The following ARHGEF9 variants were observed in gnomAD, a reference collection of about 807,000 sequenced individuals.
ARHGEF9 encodes the protein Cdc42 guanine nucleotide exchange factor 9.
A neutral mutation model predicts 41.3 loss-of-function variants in ARHGEF9; 2 were observed. The ratio of observed to expected loss-of-function variants is 0.05; its 90% CI spans 0.02 to 0.15. The LOEUF (loss-of-function observed/expected upper bound fraction) is 0.15. Among genes scored for constraint, ARHGEF9 ranks in the 10% least tolerant of loss-of-function variants. The pLI, the probability that ARHGEF9 is intolerant of heterozygous loss-of-function variation, is 1.00. For missense variants in ARHGEF9, 225 were observed against 424.7 expected, an observed-to-expected ratio of 0.53 and a Z score of 4.13; for synonymous variants, 160 against 154.4, an observed-to-expected ratio of 1.04 and a Z score of -0.27.
At chrX:63,656,260 G>A (rs1345666163) in intron 7 of ARHGEF9, among the ~76,000 whole-genome samples, 5 of 111,175 alleles carry the variant, frequency 4.5e-5, no homozygotes, top group African/African-American at 1.6e-4. Context: ...TTTTAGAAAA[G>A]GCCCAGTCTG....
intron 6 of ARHGEF9, among the ~76,000 whole-genome samples, chrX:63,669,591 A>AC (rs1181593292): frequency 2.5e-4 from 28 of 110,644 alleles, no homozygotes; most frequent in African/African-American, 8.6e-4. Context: ...TAGAGTAACA[A>AC]CACTGGCTTC....
In ARHGEF9 at chrX:63,638,127, G is replaced by A. The variant is rs374753195; in HGVS notation, c.1473C>T (p.Asp491=). The A allele has an allele frequency of 8.3e-6, 10 of 1,204,740 alleles. No individual in the cohort carries two copies. Among genetic ancestry groups the A allele is most frequent in the East Asian group, 6.0e-5 (2 of 33,613 alleles). ...CAAAGACCTGCGACTGAGCGATGCC[G>A]TCGGGGACCAGGTACTGGCCGTGGT... The part of the protein sequence containing the change: ...PLNHGQYLVP[D]GIAQSQVFEF... Residue 491 remains aspartate, a synonymous_variant, in exon 10 of 10, where the codon GAC becomes GAT. Coordinates refer to ENST00000671741, the MANE Select transcript of ARHGEF9 (RefSeq NM_001353921.2).
chrX:63,637,872 GTGTGTGTGTC>G lies in ARHGEF9; in HGVS notation c.*146_*155del, dbSNP rs782160023. 2,027 of 419,664 alleles carry G rather than the reference GTGTGTGTGTC, an allele frequency of 4.8e-3. 10 individuals are homozygous for G. Among genetic ancestry groups the G allele is most frequent in the Admixed American group, 0.027 (635 of 23,267 alleles). The allele number at this position is 419,664 out of a possible 1,213,427, so 34.6% of individuals were successfully genotyped here. ...TGTGTGTGTGTGTGTGTGTGTGTGT[GTGTGTGTGTC>G]TGTGTGTGTGTGTGTGTATGTGTAC... On this transcript the variant is annotated 3_prime_UTR_variant, in exon 10 of 10. Coordinates refer to ENST00000671741, the MANE Select transcript of ARHGEF9 (RefSeq NM_001353921.2).
intron 4 of ARHGEF9, among the ~76,000 whole-genome samples, chrX:63,682,840 A>G (rs781787592): frequency 8.9e-6 from 1 of 112,040 alleles, no homozygotes; most frequent in Non-Finnish European, 1.9e-5. Context: ...TTTCCTCAGC[A>G]TAAGAAAGGC....
intron 8 of ARHGEF9, among the ~76,000 whole-genome samples, chrX:63,652,066 G>C (rs1311808784): frequency 1.8e-5 from 2 of 111,571 alleles, no homozygotes; most frequent in African/African-American, 6.5e-5. Context: ...AATTTAATAT[G>C]CAAGTATGTA....
intron 4 of ARHGEF9, among the ~76,000 whole-genome samples, chrX:63,693,191 T>TA (rs1348080273): frequency 2.5e-4 from 28 of 112,233 alleles, no homozygotes; most frequent in African/African-American, 8.4e-4. Context: ...AAAATAGTTA[T>TA]AAAAACAATT....
intron 2 of ARHGEF9, among the ~76,000 whole-genome samples, chrX:63,710,669 G>T (rs2052876911): frequency 9.1e-6 from 1 of 110,287 alleles, no homozygotes; most frequent in South Asian, 3.8e-4. Flanking sequence ...ACTAGAAATA[G>T]AAGGGAACTT....
At position 63,637,892 on chromosome X, in the gene ARHGEF9, GTGTGTGTA is replaced by G; in HGVS notation, c.*128_*135del. ...TGTGTGTGTGTGTGTCTGTGTGTGT[GTGTGTGTA>G]TGTGTACTCAAGGGTCTCTGTGTGT... is the stretch of plus-strand genomic sequence containing the variant. On this transcript the variant is annotated 3_prime_UTR_variant, in exon 10 of 10. Coordinates refer to ENST00000671741, the MANE Select transcript of ARHGEF9 (RefSeq NM_001353921.2). 6.8e-6 allele frequency: 3 copies of G among 444,088 alleles called. No homozygotes were observed. The highest frequency in any genetic ancestry group is 3.9e-5 in the Admixed American group (1 of 25,821). The allele number at this position is 444,088 out of a possible 1,213,427, so 36.6% of individuals were successfully genotyped here. A position where few individuals can be genotyped will look rare whatever the true frequency, so the allele number is the denominator to read the frequency against.
intron 1 of ARHGEF9, among the ~76,000 whole-genome samples, chrX:63,756,553 T>A (rs1286760934): frequency 1.8e-5 from 2 of 112,410 alleles, no homozygotes; most frequent in Non-Finnish European, 3.8e-5. Context: ...ACATGCTAAG[T>A]GAAAGACGTG....
At chrX:63,730,178 TAA>T (rs781803159) in intron 1 of ARHGEF9, among the ~76,000 whole-genome samples, 15 of 111,465 alleles carry the variant, frequency 1.3e-4, no homozygotes, top group African/African-American at 2.3e-4. Context: ...AGAAGGAAAG[TAA>T]AAGAGTTATA....
At chrX:63,782,381 TG>T (rs2056794058) in intron 1 of ARHGEF9, among the ~76,000 whole-genome samples, 1 of 112,327 alleles carries the variant, frequency 8.9e-6, no homozygotes. Flanking sequence ...CCTAAACCTC[TG>T]ATTTGTTACT....
intron 1 of ARHGEF9, among the ~76,000 whole-genome samples, chrX:63,741,212 C>A (rs2054929668): frequency 1.8e-5 from 2 of 112,695 alleles, no homozygotes; most frequent in Non-Finnish European, 3.7e-5. Flanking sequence ...ATTGATCAAT[C>A]CCAATTTGTG....
At chrX:63,642,007 C>A (rs1299009345) in intron 9 of ARHGEF9, 3 of 113,113 alleles carry the variant, frequency 2.7e-5, no homozygotes, top group African/African-American at 9.7e-5. Context: ...CTCGGACTGA[C>A]TTCCTTGCTC....
Position 63,635,488 on chromosome X carries a change from T to A in ARHGEF9, c.*2540A>T. 1 of 497,749 alleles carries A rather than the reference T, an allele frequency of 2.0e-6. No individual in the cohort carries two copies. 41.0% of individuals were successfully genotyped at this position (497,749 alleles called of 1,213,427 possible). On this transcript the variant is annotated 3_prime_UTR_variant, in exon 10 of 10. Coordinates refer to ENST00000671741, the MANE Select transcript of ARHGEF9 (RefSeq NM_001353921.2). ...GTCAGGACATAACAGGTTAGGATAC[T>A]GAACCCAGGTATTTAATTGGGCTCC...
chrX:63,681,181 G>A (rs2050599447), intron 4 of ARHGEF9, among the ~76,000 whole-genome samples: 1 of 111,408 alleles, frequency 9.0e-6, no homozygotes, highest in Non-Finnish European at 1.9e-5. Flanking sequence ...CTGGCCCAGT[G>A]ACCCAGCACA....
At chrX:63,662,952 T>C (rs1475345689) in intron 7 of ARHGEF9, among the ~76,000 whole-genome samples, 1 of 112,127 alleles carries the variant, frequency 8.9e-6, no homozygotes, top group Non-Finnish European at 1.9e-5. Flanking sequence ...ACTTGGGACA[T>C]CATAGAATTA....
At position 63,644,230 on chromosome X, in the gene ARHGEF9, G is replaced by T; in HGVS notation, c.1322-182C>A. On this transcript the variant is annotated intron_variant, in intron 8 of 9. Transcript: ENST00000671741. ...TCTAGGAATTTCACTAAGGAAATTT[G>T]TCACAAACTTGAACAAAAACTTAGC... The T allele has an allele frequency of 8.0e-6, 3 of 373,755 alleles. No homozygotes were observed. The South Asian group carries it at 1.7e-4, about 21-fold the overall frequency. 30.8% of individuals were successfully genotyped at this position (373,755 alleles called of 1,213,427 possible).
At chrX:63,642,874 A>G (rs781966015) in intron 9 of ARHGEF9, 5 of 111,714 alleles carry the variant, frequency 4.5e-5, no homozygotes, top group African/African-American at 1.6e-4. Flanking sequence ...ACAGAAAACC[A>G]AACTCTTCTT....
chrX:63,648,150 A>G (rs2048256701), intron 8 of ARHGEF9, among the ~76,000 whole-genome samples: 1 of 111,241 alleles, frequency 9.0e-6, no homozygotes, highest in African/African-American at 3.3e-5. Flanking sequence ...CATAATTGTC[A>G]GATTCACCAA....
Sources: gnomAD v4.1 joint callset for allele counts (sites outside exome capture counted in the v4.1 genomes callset) on GRCh38, gnomAD v4.1.1 for gene constraint, MANE v1.5 for transcripts, NCBI Gene and HGNC (gene_info 2026-07-23, HGNC 2026-07-21) for gene names.